The following DDX31 variants were observed in gnomAD, a reference collection of about 807,000 sequenced individuals.
The protein encoded by DDX31 is ATP-dependent DNA helicase DDX31.
In DDX31, 70 loss-of-function variants were observed where a neutral mutation model predicts 91.3. The observed-to-expected ratio is 0.77, with a 90% CI of 0.63 to 0.94. The LOEUF (loss-of-function observed/expected upper bound fraction) is 0.94, where lower values mean the gene tolerates loss of function less well. Among genes scored for constraint, DDX31 ranks in the 40% least tolerant of loss-of-function variants. DDX31 has a pLI of 0.00. For synonymous variants in DDX31, 362 were observed against 350.6 expected (o/e 1.03, Z -0.36); for missense variants, 902 against 925.0 (o/e 0.98, Z 0.32).
In DDX31 at chr9:132,662,461, G is replaced by C. The variant is rs776134671; in HGVS notation, c.310C>G (p.Pro104Ala). 8 of 1,613,998 alleles carry C rather than the reference G, an allele frequency of 5.0e-6. No individual in the cohort carries two copies. The African/African-American group carries it at 6.7e-5, about 13-fold the overall frequency. Residue 104 changes from proline (P) to alanine (A), a missense_variant, in exon 2 of 20, where the codon CCT becomes GCT. Pro to Ala is a conservative substitution (Grantham distance 27). Transcript: ENST00000372159. ...IKTSSLFKNNPDIPELHRPVV... is the reference protein window; with the variant it reads ...IKTSSLFKNNADIPELHRPVV... ...TACCTGTGGAGTTCTGGAATGTCAG[G>C]GTTGTTTTTAAACAGTGATGAAGTC...
In DDX31 at chr9:132,641,916, C is replaced by T. The variant is rs533625721; in HGVS notation, c.1440+88G>A. ...GTGTTCCTGGGCCCTGTAGGACTGACCACAGGACAAACTGTCAAGAGACGA... is the reference window on the plus strand; with the variant it reads ...GTGTTCCTGGGCCCTGTAGGACTGATCACAGGACAAACTGTCAAGAGACGA... On this transcript the variant is annotated intron_variant, in intron 14 of 19. Coordinates refer to ENST00000372159, the MANE Select transcript of DDX31 (RefSeq NM_022779.9). The T allele has an allele frequency of 1.3e-4, 178 of 1,418,958 alleles. 4 individuals are homozygous for T. The South Asian group carries it at 1.8e-3, about 15-fold the overall frequency. The allele number at this position is 1,418,958 out of a possible 1,614,324, so 87.9% of individuals were successfully genotyped here.
chr9:132,643,440 T>A (rs1451964064), intron 13 of DDX31, among the ~76,000 whole-genome samples: 1 of 152,234 alleles, frequency 6.6e-6, no homozygotes, highest in African/African-American at 2.4e-5. Flanking sequence ...CTGTGGCATG[T>A]CTTTCTGGTC....
chr9:132,593,414 C>T lies in DDX31; in HGVS notation c.*1452G>A, dbSNP rs1468348704. ...CTCATCCAAATCATGTGAACCATTACACATCGAAATAAAAGAAAGGTGGCA... is the reference window on the plus strand; with the variant it reads ...CTCATCCAAATCATGTGAACCATTATACATCGAAATAAAAGAAAGGTGGCA... On this transcript the variant is annotated 3_prime_UTR_variant, in exon 20 of 20. Coordinates refer to ENST00000372159, the MANE Select transcript of DDX31 (RefSeq NM_022779.9). 1 of 152,214 alleles carries T rather than the reference C, an allele frequency of 6.6e-6. No homozygotes were observed. Among genetic ancestry groups the T allele is most frequent in the Non-Finnish European group, 1.5e-5 (1 of 68,042 alleles). The allele number at this position is 152,214 out of a possible 1,614,324, so 9.4% of individuals were successfully genotyped here.
intron 19 of DDX31, among the ~76,000 whole-genome samples, chr9:132,606,771 C>G (rs1831051643): frequency 6.6e-6 from 1 of 152,296 alleles, no homozygotes; most frequent in East Asian, 1.9e-4. Context: ...GATGTAATCA[C>G]TGTGATTCTC....
chr9:132,655,677 A>G (rs1447706129), intron 6 of DDX31, among the ~76,000 whole-genome samples: 2 of 152,226 alleles, frequency 1.3e-5, no homozygotes, highest in Non-Finnish European at 2.9e-5. Context: ...GTATTAATAA[A>G]AAAAACAGAA....
chr9:132,616,728 A>C (rs1450906894), intron 18 of DDX31, among the ~76,000 whole-genome samples: 2 of 140,732 alleles, frequency 1.4e-5, no homozygotes, highest in Non-Finnish European at 3.2e-5. Flanking sequence ...AGGTAGGAAA[A>C]CCCTTGGGAA....
intron 3 of DDX31, among the ~76,000 whole-genome samples, chr9:132,662,008 T>TA (rs1834985657): frequency 6.6e-6 from 1 of 151,558 alleles, no homozygotes; most frequent in Non-Finnish European, 1.5e-5. Flanking sequence ...CTTCAATACT[T>TA]AAAAAAACAC....
At chr9:132,618,306 C>G (rs773369566) in intron 18 of DDX31, 24 bp downstream of exon 18, 3 of 1,597,976 alleles carry the variant, frequency 1.9e-6, no homozygotes, top group Non-Finnish European at 2.6e-6. Context: ...ATCCACTGCG[C>G]AAGCACCTAG....
At chr9:132,662,368 G>T (rs1301009180) in intron 2 of DDX31, 32 bp from the exon 3 acceptor site, 1 of 1,614,058 alleles carries the variant, frequency 6.2e-7, no homozygotes, top group African/African-American at 1.3e-5. Flanking sequence ...CCAGGCATCA[G>T]TGCCAATATT....
Position 132,652,495 on chromosome 9 carries a change from G to A in DDX31, c.589-3C>T, listed in dbSNP as rs200872466. The A allele has an allele frequency of 1.7e-5, 27 of 1,614,044 alleles. No individual in the cohort carries two copies. The highest frequency in any genetic ancestry group is 1.6e-4 in the East Asian group (7 of 44,884). ...AGGGCATAGGGGCCATCACTGCGCT[G>A]TTGACACACAGAAAAAAAATGCCAT... is the stretch of plus-strand genomic sequence containing the variant. On this transcript the variant is annotated splice_polypyrimidine_tract_variant and splice_region_variant and intron_variant, in intron 6 of 19. Coordinates refer to ENST00000372159, the MANE Select transcript of DDX31 (RefSeq NM_022779.9).
intron 19 of DDX31, among the ~76,000 whole-genome samples, chr9:132,601,675 T>C (rs942404382): frequency 2.6e-5 from 4 of 152,280 alleles, no homozygotes; most frequent in East Asian, 3.9e-4. Flanking sequence ...CCTGGGCAGA[T>C]AGGATGGGTG....
intron 18 of DDX31, among the ~76,000 whole-genome samples, chr9:132,613,884 T>C (rs1831487762): frequency 6.6e-6 from 1 of 152,162 alleles, no homozygotes; most frequent in Admixed American, 6.5e-5. Flanking sequence ...GTCCACCCGC[T>C]TCTCACTCCA....
intron 4 of DDX31, among the ~76,000 whole-genome samples, chr9:132,660,850 C>T (rs1834889128): frequency 6.6e-6 from 1 of 152,192 alleles, no homozygotes; most frequent in Non-Finnish European, 1.5e-5. Context: ...AACATTTACT[C>T]TTGTCTTTTT....
chr9:132,665,675 G>T (rs891351119), intron 1 of DDX31, among the ~76,000 whole-genome samples: 1 of 152,106 alleles, frequency 6.6e-6, no homozygotes, highest in Admixed American at 6.5e-5. Flanking sequence ...GTAAAATGAG[G>T]GGATTTTGGC....
chr9:132,646,149 T>C (rs1480988907), intron 12 of DDX31, 78 bp from the exon 13 acceptor site: 1 of 1,447,372 alleles, frequency 6.9e-7, no homozygotes. Flanking sequence ...CTCTAAACTA[T>C]ACAGTCATGC....
chr9:132,624,578 A>C (rs1832275630), intron 17 of DDX31, among the ~76,000 whole-genome samples: 1 of 152,262 alleles, frequency 6.6e-6, no homozygotes, highest in African/African-American at 2.4e-5. Context: ...CAGAATGACT[A>C]AAGCATATTA....
rs745345246 is a variant in DDX31 at position 132,646,816 on chromosome 9, G to C, written c.1203+7C>G. The C allele has an allele frequency of 1.9e-6, 3 of 1,613,524 alleles. No individual in the cohort carries two copies. In the South Asian group the frequency reaches 3.3e-5, roughly 18 times the overall value. ...TGAATCAAGTCGGCTCTAGCCCACA[G>C]TCCCACCTTGCATTTCTGAAGGATG... On this transcript the variant is annotated splice_region_variant and intron_variant, in intron 12 of 19. Transcript: ENST00000372159.
chr9:132,652,550 C>A, intron 6 of DDX31, 58 bp from the exon 7 acceptor site: 1 of 1,605,514 alleles, frequency 6.2e-7, no homozygotes. Context: ...AGACTCCAAA[C>A]GGACAGGACA....
intron 1 of DDX31, among the ~76,000 whole-genome samples, chr9:132,664,033 G>A (rs1414178708): frequency 6.6e-6 from 1 of 152,054 alleles, no homozygotes; most frequent in African/African-American, 2.4e-5. Context: ...GACAGTCCCG[G>A]GCAGGTGGAC....
Sources: gnomAD v4.1 joint callset for allele counts (sites outside exome capture counted in the v4.1 genomes callset) on GRCh38, gnomAD v4.1.1 for gene constraint, MANE v1.5 for transcripts, NCBI Gene and HGNC (gene_info 2026-07-23, HGNC 2026-07-21) for gene names.